KALRN: variants seen among roughly 807,000 people sequenced by gnomAD.
KALRN encodes the protein kalirin.
Under a neutral mutation model 353.7 loss-of-function variants are expected in KALRN, and 70 were observed. The ratio of observed to expected loss-of-function variants is 0.20; its 90% CI spans 0.16 to 0.24. The LOEUF is 0.24. KALRN is among the 10% of genes least tolerant of loss of function. The pLI is 1.00. For missense variants in KALRN, 2,791 were observed against 3,756.7 expected (o/e 0.74, Z 6.72); for synonymous variants, 1,391 against 1,434.8 (o/e 0.97, Z 0.69).
intron 25 of KALRN, among the ~76,000 whole-genome samples, chr3:124,469,599 T>A (rs1219224658): frequency 6.6e-6 from 1 of 152,184 alleles, no homozygotes; most frequent in Non-Finnish European, 1.5e-5. Flanking sequence ...CAGCCTTGCT[T>A]TGAAAAGAAG....
chr3:124,456,559 T>C lies in KALRN; in HGVS notation c.3736-51T>C, dbSNP rs771943185. ...TACCACCTCCCTCAACTCCAGTGAG[T>C]TGCTTTCCCAAAGCATCACAAGGTG... On this transcript the variant is annotated intron_variant, in intron 22 of 59. Transcript: ENST00000682506. 5 of 1,328,690 alleles carry C rather than the reference T, an allele frequency of 3.8e-6. No individual in the cohort carries two copies. The East Asian group carries it at 9.4e-5, about 25-fold the overall frequency. The allele number at this position is 1,328,690 out of a possible 1,614,324, so 82.3% of individuals were successfully genotyped here. A position where few individuals can be genotyped will look rare whatever the true frequency, so the allele number is the denominator to read the frequency against.
At chr3:124,365,085 C>A (rs934138329) in intron 10 of KALRN, among the ~76,000 whole-genome samples, 2 of 152,300 alleles carry the variant, frequency 1.3e-5, no homozygotes. Context: ...TGTCACCCTT[C>A]ATTTCTTTCA....
At chr3:124,444,374 T>C (rs1201565633) in intron 19 of KALRN, among the ~76,000 whole-genome samples, 2 of 152,246 alleles carry the variant, frequency 1.3e-5, no homozygotes, top group Non-Finnish European at 2.9e-5. Context: ...TGTTAACAAC[T>C]CATTTGCTAA....
intron 28 of KALRN, among the ~76,000 whole-genome samples, 192 bp downstream of exon 28, chr3:124,483,092 G>T (rs2062157034): frequency 6.6e-6 from 1 of 152,228 alleles, no homozygotes; most frequent in Non-Finnish European, 1.5e-5. Context: ...GGCAGAAGGG[G>T]GAGAAAAGGG....
chr3:124,323,241 C>A (rs186453514), intron 6 of KALRN, among the ~76,000 whole-genome samples: 5 of 152,068 alleles, frequency 3.3e-5, no homozygotes, highest in Non-Finnish European at 7.4e-5. Context: ...CTTTTTCATG[C>A]GGGGAGCCTC....
At chr3:124,539,789 T>C (rs190311399) in intron 33 of KALRN, among the ~76,000 whole-genome samples, 1 of 152,294 alleles carries the variant, frequency 6.6e-6, no homozygotes, top group Non-Finnish European at 1.5e-5. Flanking sequence ...GAGATAGGTC[T>C]CATTCTATTG....
chr3:124,087,512 A>G (rs1039583133), intron 1 of KALRN, among the ~76,000 whole-genome samples: 4 of 152,170 alleles, frequency 2.6e-5, no homozygotes, highest in Non-Finnish European at 5.9e-5. Context: ...TCATCGAATC[A>G]TGGGGCTTTA....
At chr3:124,618,086 CTTTTTTTTTTTTTTTTTTTTTT>C (rs71145464) in intron 34 of KALRN, among the ~76,000 whole-genome samples, 14 of 63,330 alleles carry the variant, frequency 2.2e-4, no homozygotes, top group South Asian at 7.5e-4. Context: ...GTGCAGAAAT[CTTTTTTTTTTTTTTTTTTTTTT>C]TTTTTTTTTT....
chr3:124,682,275 A>T (rs2061375428), intron 51 of KALRN, among the ~76,000 whole-genome samples: 1 of 152,114 alleles, frequency 6.6e-6, no homozygotes, highest in African/African-American at 2.4e-5. Context: ...TCATTCCCAG[A>T]CCCAGCCTGG....
intron 34 of KALRN, among the ~76,000 whole-genome samples, chr3:124,569,752 A>G (rs1046768973): frequency 6.6e-6 from 1 of 152,214 alleles, no homozygotes; most frequent in Non-Finnish European, 1.5e-5. Flanking sequence ...ATCTAAGAGC[A>G]TTAACCCCAT....
At chr3:124,587,720 T>C (rs959655699) in intron 34 of KALRN, among the ~76,000 whole-genome samples, 6 of 141,436 alleles carry the variant, frequency 4.2e-5, no homozygotes, top group African/African-American at 1.6e-4. Context: ...TTTTTTTTTT[T>C]TTTGATACAG....
At position 124,722,004 on chromosome 3, in the gene KALRN, C is replaced by T. The variant is rs1264815147; in HGVS notation, c.*2534C>T. 1 of 152,254 alleles carries T rather than the reference C, an allele frequency of 6.6e-6. No homozygotes were observed. The highest frequency in any genetic ancestry group is 2.4e-5 in the African/African-American group (1 of 41,452). 9.4% of individuals were successfully genotyped at this position (152,254 alleles called of 1,614,324 possible). ...CCCATAGGGTTTGTCATGGGACAAA[C>T]TGTAGGCTCTGAGGATTCCCAATAT... On this transcript the variant is annotated 3_prime_UTR_variant, in exon 60 of 60. Transcript: ENST00000682506.
chr3:124,082,298 C>A (rs530761343), intron 1 of KALRN: 1 of 471,068 alleles, frequency 2.1e-6, no homozygotes, highest in African/African-American at 2.0e-5. Context: ...TTGATGTAAT[C>A]TCCAAGGGAA....
intron 10 of KALRN, among the ~76,000 whole-genome samples, chr3:124,359,606 T>A (rs1419772926): frequency 1.3e-5 from 2 of 152,208 alleles, no homozygotes; most frequent in Non-Finnish European, 2.9e-5. Context: ...GAAAATCACT[T>A]AAGTTCTCTG....
At chr3:124,325,944 A>G in intron 6 of KALRN, 36 bp from the exon 7 acceptor site, 1 of 1,577,282 alleles carries the variant, frequency 6.3e-7, no homozygotes, top group Non-Finnish European at 8.6e-7. Context: ...ATGTCTTTTG[A>G]GCCTGCCCCA....
chr3:124,355,709 C>CTT lies in KALRN; in HGVS notation c.1770+8467_1770+8468dup, dbSNP rs3055894. ...TTAAACACCCTCAACTCTCTCCCAT[C>CTT]TTTTTTTTTTTTTTTTTTTTTTTTG... On this transcript the variant is annotated intron_variant, in intron 10 of 59. Transcript: ENST00000682506. Among the ~76,000 whole-genome samples, 527 of 97,358 alleles carry CTT rather than the reference C, an allele frequency of 5.4e-3. 14 individuals are homozygous for CTT. Among genetic ancestry groups the CTT allele is most frequent in the Middle Eastern group, 0.014 (2 of 140 alleles). The allele number at this position is 97,358 out of a possible 152,430, so 63.9% of individuals were successfully genotyped here.
intron 5 of KALRN, among the ~76,000 whole-genome samples, chr3:124,289,185 G>T (rs892726510): frequency 6.6e-6 from 1 of 152,052 alleles, no homozygotes; most frequent in African/African-American, 2.4e-5. Context: ...TCATGGGGGG[G>T]GTCCCACTTT....
chr3:124,045,944 G>T (rs1350883831), intron 1 of KALRN, among the ~76,000 whole-genome samples: 1 of 152,124 alleles, frequency 6.6e-6, no homozygotes, highest in East Asian at 1.9e-4. Flanking sequence ...AATGAGCATA[G>T]ACCACTATTC....
At chr3:124,214,226 A>G (rs2077127377) in intron 1 of KALRN, among the ~76,000 whole-genome samples, 1 of 152,166 alleles carries the variant, frequency 6.6e-6, no homozygotes, top group Non-Finnish European at 1.5e-5. Flanking sequence ...ACTATTTTAT[A>G]ATCTTTTTCA....
Sources: gnomAD v4.1 joint callset for allele counts (sites outside exome capture counted in the v4.1 genomes callset) on GRCh38, gnomAD v4.1.1 for gene constraint, MANE v1.5 for transcripts, NCBI Gene and HGNC (gene_info 2026-07-23, HGNC 2026-07-21) for gene names.